Variants in CSMD1 observed in about 807,000 individuals in gnomAD.
CSMD1 encodes the protein CUB and sushi domain-containing protein 1.
A neutral mutation model predicts 417.5 loss-of-function variants in CSMD1; 213 were observed. The observed-to-expected ratio is 0.51, with a 90% CI of 0.46 to 0.57. CSMD1 has a LOEUF of 0.57. CSMD1 is among the 20% of genes least tolerant of loss of function. CSMD1 has a pLI of 0.00. For synonymous variants in CSMD1, 2,862 were observed against 1,736.8 expected, an observed-to-expected ratio of 1.65 and a Z score of -16.11; for missense variants, 6,923 against 4,529.7, an observed-to-expected ratio of 1.53 and a Z score of -15.17.
intron 2 of CSMD1, among the ~76,000 whole-genome samples, chr8:4,548,323 A>G (rs1416932972): frequency 3.3e-5 from 5 of 152,178 alleles, no homozygotes; most frequent in African/African-American, 1.2e-4. Context: ...TTTTTATTTT[A>G]ATAATATCAC....
chr8:3,299,191 C>A (rs542359193), intron 25 of CSMD1, among the ~76,000 whole-genome samples: 62 of 152,294 alleles, frequency 4.1e-4, no homozygotes, highest in African/African-American at 1.4e-3. Context: ...GTGGCTCACG[C>A]CTGTAATCCC....
intron 7 of CSMD1, among the ~76,000 whole-genome samples, chr8:3,688,700 G>A (rs1180057269): frequency 1.3e-5 from 2 of 152,164 alleles, no homozygotes; most frequent in Non-Finnish European, 2.9e-5. Flanking sequence ...AGGGCACTCT[G>A]AATTTCTTTC....
chr8:3,292,851 G>C (rs1370436092), intron 25 of CSMD1, among the ~76,000 whole-genome samples: 1 of 151,806 alleles, frequency 6.6e-6, no homozygotes, highest in Non-Finnish European at 1.5e-5. Flanking sequence ...TGTTATGTGT[G>C]AATTTGATCC....
chr8:4,667,584 T>C (rs1805021164), intron 1 of CSMD1, among the ~76,000 whole-genome samples: 1 of 152,204 alleles, frequency 6.6e-6, no homozygotes. Context: ...TATATTTTCT[T>C]GGATTGTCCC....
chr8:3,297,660 T>G (rs1804066543), intron 25 of CSMD1, among the ~76,000 whole-genome samples: 1 of 152,100 alleles, frequency 6.6e-6, no homozygotes, highest in South Asian at 2.1e-4. Flanking sequence ...TTATCCCCAG[T>G]GGAATAGAGA....
At chr8:3,235,916 GTTTTTT>G (rs11414439) in intron 26 of CSMD1, among the ~76,000 whole-genome samples, 1,240 of 119,346 alleles carry the variant, frequency 0.01, 34 homozygotes, top group African/African-American at 0.038. Context: ...GAAGATGTAA[GTTTTTT>G]TTTTTTTTTT....
At chr8:4,881,087 G>A (rs1244745518) in intron 1 of CSMD1, among the ~76,000 whole-genome samples, 1 of 151,922 alleles carries the variant, frequency 6.6e-6, no homozygotes, top group African/African-American at 2.4e-5. Context: ...AGCTACTCCA[G>A]CCCACATTGT....
At chr8:4,233,760 T>C (rs555392646) in intron 3 of CSMD1, among the ~76,000 whole-genome samples, 2 of 152,308 alleles carry the variant, frequency 1.3e-5, no homozygotes, top group East Asian at 3.9e-4. Flanking sequence ...TCTGTTGAAA[T>C]GCACAAATAA....
rs1233418378 is a variant in CSMD1, at chr8:4,014,625, TAAC to T, written c.611-16518_611-16516del. ...GATTAAAAGTAATATTAGCCCAACT[TAAC>T]AAATTCAGAGCCTGGGTCTTAGCAA... On this transcript the variant is annotated intron_variant, in intron 4 of 69. Coordinates refer to ENST00000635120, the MANE Select transcript of CSMD1 (RefSeq NM_033225.6). Among the ~76,000 whole-genome samples the T allele has an allele frequency of 3.3e-5, 5 of 152,306 alleles. No homozygotes were observed. In the East Asian group the frequency reaches 9.6e-4, roughly 29 times the overall value.
intron 5 of CSMD1, among the ~76,000 whole-genome samples, chr8:3,827,751 T>C (rs1300678106): frequency 6.6e-6 from 1 of 152,244 alleles, no homozygotes; most frequent in Non-Finnish European, 1.5e-5. Flanking sequence ...CACTATACGA[T>C]AATGAATAGT....
chr8:3,518,317 T>A (rs1797365770), intron 10 of CSMD1, among the ~76,000 whole-genome samples: 1 of 152,206 alleles, frequency 6.6e-6, no homozygotes, highest in South Asian at 2.1e-4. Flanking sequence ...CTGACGCAAA[T>A]TCCTCTGGAG....
At chr8:3,368,048 G>A (rs1026559950) in intron 19 of CSMD1, among the ~76,000 whole-genome samples, 2 of 152,126 alleles carry the variant, frequency 1.3e-5, no homozygotes, top group Non-Finnish European at 2.9e-5. Flanking sequence ...AACTACAAAG[G>A]CTTATTTCTG....
intron 1 of CSMD1, among the ~76,000 whole-genome samples, chr8:4,982,023 C>T (rs571955194): frequency 6.6e-6 from 1 of 152,244 alleles, no homozygotes; most frequent in Non-Finnish European, 1.5e-5. Flanking sequence ...ATGCCTCATT[C>T]CTACAACTGC....
chr8:3,228,062 C>G (rs905327330), intron 27 of CSMD1, among the ~76,000 whole-genome samples: 1 of 152,008 alleles, frequency 6.6e-6, no homozygotes, highest in Non-Finnish European at 1.5e-5. Context: ...GCCACCACAC[C>G]CAGACTAAAA....
Position 4,597,381 on chromosome 8 carries a change from T to C in CSMD1, c.302+39961A>G, listed in dbSNP as rs142870619. ...CACAGACCTAAAGTAGTGTGAGGTATGTTGACCTGACCAAGGTTAAATATC... is the reference window on the plus strand; with the variant it reads ...CACAGACCTAAAGTAGTGTGAGGTACGTTGACCTGACCAAGGTTAAATATC... On this transcript the variant is annotated intron_variant, in intron 2 of 69. Coordinates refer to ENST00000635120, the MANE Select transcript of CSMD1 (RefSeq NM_033225.6). Among the ~76,000 whole-genome samples, 5 of 152,298 alleles carry C rather than the reference T, an allele frequency of 3.3e-5. No homozygotes were observed. The East Asian group carries it at 7.7e-4, about 24-fold the overall frequency.
intron 5 of CSMD1, among the ~76,000 whole-genome samples, chr8:3,907,858 C>G (rs1311974744): frequency 6.6e-6 from 1 of 152,202 alleles, no homozygotes. Context: ...GCTCTGCGGT[C>G]CAGGCAAATA....
intron 69 of CSMD1, among the ~76,000 whole-genome samples, chr8:2,941,588 T>C: frequency 6.6e-6 from 1 of 152,356 alleles, no homozygotes; most frequent in Non-Finnish European, 1.5e-5. Flanking sequence ...AATAATTCTT[T>C]TCTTCTGGCA....
chr8:4,441,240 A>C lies in CSMD1; in HGVS notation c.303-21175T>G, dbSNP rs1238329. On this transcript the variant is annotated intron_variant, in intron 2 of 69. Coordinates refer to ENST00000635120, the MANE Select transcript of CSMD1 (RefSeq NM_033225.6). Reference sequence around the variant, plus strand: ...CAGCCTCTTGAGTAGCTGGAACTACAGGCCTGAGCACTACACTCAGTTTTT... The same window carrying C: ...CAGCCTCTTGAGTAGCTGGAACTACCGGCCTGAGCACTACACTCAGTTTTT... 7.5e-3 allele frequency among the ~76,000 whole-genome samples: 1,083 copies of C among 144,424 alleles called. 13 individuals carry two copies. Among genetic ancestry groups the C allele is most frequent in the African/African-American group, 0.025 (976 of 39,126 alleles). 94.7% of individuals were successfully genotyped at this position (144,424 alleles called of 152,430 possible).
chr8:3,346,116 T>A (rs1380333775), intron 22 of CSMD1, among the ~76,000 whole-genome samples: 1 of 152,250 alleles, frequency 6.6e-6, no homozygotes, highest in Non-Finnish European at 1.5e-5. Context: ...AGATATTTTT[T>A]AGCATATTTA....
Sources: allele counts gnomAD v4.1 joint callset (sites outside exome capture counted in the v4.1 genomes callset), GRCh38; gene constraint gnomAD v4.1.1; transcripts MANE v1.5; gene names NCBI Gene and HGNC (gene_info 2026-07-23, HGNC 2026-07-21).